Variants in CPAMD8 observed in about 807,000 individuals in gnomAD.
CPAMD8 encodes the protein C3 and PZP like alpha-2-macroglobulin domain containing 8.
In CPAMD8, 146 loss-of-function variants were observed where a neutral mutation model predicts 224.7. The ratio of observed to expected loss-of-function variants is 0.65; its 90% CI spans 0.57 to 0.75. CPAMD8 has a LOEUF of 0.75. CPAMD8 is among the 30% of genes least tolerant of loss of function. The pLI, the probability that CPAMD8 is intolerant of heterozygous loss-of-function variation, is 0.00. For missense variants in CPAMD8, 2,301 were observed against 2,537.5 expected, an observed-to-expected ratio of 0.91 and a Z score of 2.00; for synonymous variants, 966 against 1,044.6, an observed-to-expected ratio of 0.92 and a Z score of 1.45.
intron 17 of CPAMD8, among the ~76,000 whole-genome samples, chr19:16,974,656 G>A (rs1307224476): frequency 6.6e-6 from 1 of 152,028 alleles, no homozygotes; most frequent in Admixed American, 6.6e-5. Context: ...AGCTTTCACT[G>A]GGGAGAAATG....
Position 16,896,638 on chromosome 19 carries a change from G to A in CPAMD8, c.5093C>T (p.Ala1698Val). The change falls in exon 40 of 42, where the codon GCC (alanine) becomes GTC (valine). Residue 1698 changes from alanine to valine, a missense_variant. Coordinates refer to ENST00000443236, the MANE Select transcript of CPAMD8 (RefSeq NM_015692.5). ...PGWFPGESGP[A>V]VAPEEGAAIA... Reference sequence around the variant, plus strand: ...CGCCGCCCCCTCCTCAGGGGCCACGGCAGGGCCCGACTCGCCGGGGAACCA... The same window carrying A: ...CGCCGCCCCCTCCTCAGGGGCCACGACAGGGCCCGACTCGCCGGGGAACCA... The A allele has an allele frequency of 1.4e-6, 2 of 1,480,468 alleles. No homozygotes were observed. Among genetic ancestry groups the A allele is most frequent in the Non-Finnish European group, 8.9e-7 (1 of 1,119,558 alleles). 91.7% of individuals were successfully genotyped at this position (1,480,468 alleles called of 1,614,324 possible). A position where few individuals can be genotyped will look rare whatever the true frequency, so the allele number is the denominator to read the frequency against.
intron 2 of CPAMD8, 80 bp downstream of exon 2, chr19:17,021,950 T>G (rs2056968821): frequency 9.1e-7 from 1 of 1,094,768 alleles, no homozygotes; most frequent in South Asian, 1.6e-5. Flanking sequence ...ACACCCACAC[T>G]GCCCCAGCCC....
At chr19:17,019,052 G>T (rs2056886362) in intron 3 of CPAMD8, among the ~76,000 whole-genome samples, 1 of 152,160 alleles carries the variant, frequency 6.6e-6, no homozygotes, top group East Asian at 1.9e-4. Context: ...TGGAAACATG[G>T]AAGTTGTTTA....
chr19:16,913,706 C>T (rs1165848658), intron 29 of CPAMD8, among the ~76,000 whole-genome samples: 2 of 152,088 alleles, frequency 1.3e-5, no homozygotes, highest in Non-Finnish European at 2.9e-5. Context: ...GGCAAGGGGC[C>T]CTCTGGACAT....
chr19:16,954,265 G>A (rs560109380), intron 19 of CPAMD8, among the ~76,000 whole-genome samples: 3 of 151,672 alleles, frequency 2.0e-5, no homozygotes, highest in Non-Finnish European at 4.4e-5. Context: ...CCTGGGAGGC[G>A]GAGGGTGCAG....
chr19:16,914,432 C>T lies in CPAMD8; in HGVS notation c.3853G>A (p.Ala1285Thr), dbSNP rs949722574. The change falls in exon 29 of 42, where the codon GCC becomes ACC. Residue 1285 changes from alanine to threonine, a missense_variant. Physicochemically the swap from Ala to Thr is moderately conservative, Grantham distance 58. This residue lies in a region of CPAMD8 where 1,709 missense variants were observed against 1,753.2 expected (regional missense o/e 0.97). Transcript: ENST00000443236. The part of the protein sequence containing the change: ...VVVALLETGT[A>T]SEEERGSTDK... ...ACCCCTTCTGTACTCACCTCTGAGG[C>T]TGTGCCTGTTTCCAGGAGAGCAACC... is the stretch of plus-strand genomic sequence containing the variant. 6.2e-7 allele frequency: 1 copy of T among 1,614,160 alleles called. No homozygotes were observed. The highest frequency in any genetic ancestry group is 8.5e-7 in the Non-Finnish European group (1 of 1,179,978).
At chr19:16,906,914 C>T (rs535480398) in intron 30 of CPAMD8, 38 bp downstream of exon 30, 28 of 1,551,396 alleles carry the variant, frequency 1.8e-5, no homozygotes, top group East Asian at 4.7e-5. Context: ...GTGGGCTTCC[C>T]GACGCTGTGG....
intron 22 of CPAMD8, among the ~76,000 whole-genome samples, chr19:16,941,476 C>A (rs980453667): frequency 1.3e-5 from 2 of 152,146 alleles, no homozygotes; most frequent in Non-Finnish European, 1.5e-5. Context: ...GTCCCGTGGG[C>A]AAATCCATAG....
chr19:16,905,245 C>CAATA (rs1243111883), intron 30 of CPAMD8, among the ~76,000 whole-genome samples: 1 of 150,856 alleles, frequency 6.6e-6, no homozygotes, highest in Non-Finnish European at 1.5e-5. Flanking sequence ...GAGACTGTCT[C>CAATA]AATAAATAAA....
rs1468564674 is a variant in CPAMD8, at chr19:16,918,927, G to A, written c.3629+2978C>T. ...GCACTAAAAGCATCTTGGAGCCCAG[G>A]CACGGTGGCTCACACCTGTAATCTC... On this transcript the variant is annotated intron_variant, in intron 27 of 41. Coordinates refer to ENST00000443236, the MANE Select transcript of CPAMD8 (RefSeq NM_015692.5). Among the ~76,000 whole-genome samples the A allele has an allele frequency of 2.0e-5, 3 of 152,166 alleles. No homozygotes were observed. In the East Asian group the frequency reaches 5.8e-4, roughly 29 times the overall value.
At chr19:16,948,837 AGAAGGGAAG>A (rs2054193236) in intron 20 of CPAMD8, among the ~76,000 whole-genome samples, 1 of 69,900 alleles carries the variant, frequency 1.4e-5, no homozygotes, top group African/African-American at 6.0e-5. Flanking sequence ...GGAAGGGAGG[AGAAGGGAAG>A]AGAAGGGAAG....
At chr19:17,012,969 G>C (rs1432785882) in intron 3 of CPAMD8, among the ~76,000 whole-genome samples, 2 of 151,948 alleles carry the variant, frequency 1.3e-5, no homozygotes, top group South Asian at 2.1e-4. Context: ...GATCACCTGA[G>C]GTCAGGAGTT....
chr19:16,947,378 T>C lies in CPAMD8; in HGVS notation c.2509-151A>G, dbSNP rs73928404. 3.3e-3 allele frequency: 3,150 copies of C among 964,300 alleles called. 68 individuals are homozygous for C. The African/African-American group carries it at 0.045, about 14-fold the overall frequency. The allele number at this position is 964,300 out of a possible 1,614,324, so 59.7% of individuals were successfully genotyped here. A position where few individuals can be genotyped will look rare whatever the true frequency, so the allele number is the denominator to read the frequency against. ...TCCCCCCGGGAAGGTCCCCTTTCCA[T>C]TTCCGATCAGAACAAACTACCCTCT... On this transcript the variant is annotated intron_variant, in intron 20 of 41. Coordinates refer to ENST00000443236, the MANE Select transcript of CPAMD8 (RefSeq NM_015692.5).
At chr19:16,942,314 T>C (rs1304370530) in intron 22 of CPAMD8, among the ~76,000 whole-genome samples, 1 of 151,854 alleles carries the variant, frequency 6.6e-6, no homozygotes. Context: ...ATACAAAAAT[T>C]AGCCAGGTGT....
At position 17,024,319 on chromosome 19, in the gene CPAMD8, G is replaced by T. The variant is rs563586821; in HGVS notation, c.93-2138C>A. 6.6e-5 allele frequency among the ~76,000 whole-genome samples: 10 copies of T among 152,316 alleles called. No individual in the cohort carries two copies. The East Asian group carries it at 1.9e-3, about 29-fold the overall frequency. Reference sequence around the variant, plus strand: ...AGTCCCCTGGGATCACACATGTGCTGTCCAACTCTAGGACCAACTGGAGTT... The same window carrying T: ...AGTCCCCTGGGATCACACATGTGCTTTCCAACTCTAGGACCAACTGGAGTT... On this transcript the variant is annotated intron_variant, in intron 1 of 41. Coordinates refer to ENST00000443236, the MANE Select transcript of CPAMD8 (RefSeq NM_015692.5).
At chr19:16,904,176 A>ACGGCCCCCCCCCC in intron 32 of CPAMD8, 50 bp downstream of exon 32, 2 of 937,340 alleles carry the variant, frequency 2.1e-6, no homozygotes, top group Non-Finnish European at 1.7e-6. Context: ...GACTGCAGGG[A>ACGGCCCCCCCCCC]CCCCACCCAC....
intron 8 of CPAMD8, among the ~76,000 whole-genome samples, chr19:17,003,903 T>G (rs1466027875): frequency 6.7e-6 from 1 of 150,234 alleles, no homozygotes. Flanking sequence ...ACCAGTTTCC[T>G]TTTCTTTTTC....
In CPAMD8 at chr19:16,937,063, GCCTTCCTTCCTTCCTTCCTTCCTTCCT is replaced by G. The variant is rs2053713881; in HGVS notation, c.2845+1305_2845+1331del. Among the ~76,000 whole-genome samples, 6 of 132,066 alleles carry G rather than the reference GCCTTCCTTCCTTCCTTCCTTCCTTCCT, an allele frequency of 4.5e-5. No homozygotes were observed. The Admixed American group carries it at 5.0e-4, about 11-fold the overall frequency. 86.6% of individuals were successfully genotyped at this position (132,066 alleles called of 152,430 possible). On this transcript the variant is annotated intron_variant, in intron 23 of 41. Transcript: ENST00000443236. Reference sequence around the variant, plus strand: ...TTTCTCCCTTCCTTCCTTCCCTCCTGCCTTCCTTCCTTCCTTCCTTCCTTCCTCCTTCCTTCCTTTCTTCCTTCCCTC... The same window carrying G: ...TTTCTCCCTTCCTTCCTTCCCTCCTGCCTTCCTTCCTTTCTTCCTTCCCTC...
At chr19:16,916,940 A>G (rs1183785160) in intron 27 of CPAMD8, among the ~76,000 whole-genome samples, 1 of 151,948 alleles carries the variant, frequency 6.6e-6, no homozygotes, top group African/African-American at 2.4e-5. Context: ...CCAGGGGGAA[A>G]CTCCATGCAT....
Sources: gnomAD v4.1 joint callset for allele counts (sites outside exome capture counted in the v4.1 genomes callset) on GRCh38, gnomAD v4.1.1 for gene constraint, gnomAD v4.1.1 regional missense constraint, MANE v1.5 for transcripts, NCBI Gene and HGNC (gene_info 2026-07-23, HGNC 2026-07-21) for gene names.